RSPH14: variants seen among roughly 807,000 people sequenced by gnomAD.
RSPH14 encodes the protein rhabdoid tumor deletion region gene 1.
Under a neutral mutation model 26.7 loss-of-function variants are expected in RSPH14, and 20 were observed. The ratio of observed to expected loss-of-function variants is 0.75; its 90% CI spans 0.53 to 1.09. The LOEUF (loss-of-function observed/expected upper bound fraction) is 1.09, where lower values mean the gene tolerates loss of function less well. Among genes scored for constraint, RSPH14 ranks in the 50% least tolerant of loss-of-function variants. The pLI is 0.00. For missense variants in RSPH14, 449 were observed against 457.2 expected (o/e 0.98, Z 0.16); for synonymous variants, 177 against 189.3 (o/e 0.93, Z 0.53).
chr22:23,117,937 C>T (rs1346643252), intron 4 of RSPH14, among the ~76,000 whole-genome samples: 11 of 152,186 alleles, frequency 7.2e-5, no homozygotes, highest in African/African-American at 2.2e-4. Context: ...TTGCCCCGGC[C>T]GCTGACCTGG....
At chr22:23,141,846 G>T in intron 1 of RSPH14, 103 bp downstream of exon 1, 1 of 405,926 alleles carries the variant, frequency 2.5e-6, no homozygotes, top group Non-Finnish European at 3.3e-6. Context: ...GGAGACAAAA[G>T]ACCGTGATTT....
At chr22:23,070,667 C>T (rs1330064509) in intron 4 of RSPH14, 1 of 152,122 alleles carries the variant, frequency 6.6e-6, no homozygotes, top group African/African-American at 2.4e-5. Flanking sequence ...GGGACTCTTC[C>T]CAGGCCTTTG....
intron 4 of RSPH14, among the ~76,000 whole-genome samples, chr22:23,086,574 G>T (rs2068826084): frequency 6.6e-6 from 1 of 152,204 alleles, no homozygotes; most frequent in South Asian, 2.1e-4. Context: ...AGCCACAGCT[G>T]GGACCCAGAG....
intron 4 of RSPH14, among the ~76,000 whole-genome samples, chr22:23,107,369 T>A (rs952225607): frequency 3.9e-5 from 6 of 152,180 alleles, no homozygotes; most frequent in African/African-American, 9.6e-5. Flanking sequence ...CTGAGCTGCC[T>A]ACATGGGCAG....
the RSPH14 span, among the ~76,000 whole-genome samples, chr22:23,155,382 A>G: frequency 1.3e-5 from 2 of 152,140 alleles, no homozygotes; most frequent in African/African-American, 2.4e-5. Context: ...ACTCTTTTCC[A>G]TGGAGCCAGG....
In RSPH14 at chr22:23,059,656, TG is replaced by T; in HGVS notation, c.852del (p.Met285Ter). 6.3e-7 allele frequency: 1 copy of T among 1,592,378 alleles called. No homozygotes were observed. On this transcript the variant is annotated frameshift_variant, in exon 7 of 7. Coordinates refer to ENST00000216036, the MANE Select transcript of RSPH14 (RefSeq NM_014433.3). LOFTEE classifies it low-confidence loss of function (END_TRUNC). ...GTGGCATTCAGGCGCGCTATGGTCA[TG>T]GGGGAGTGCAGCAGCTCCAGGAGCA... is the stretch of plus-strand genomic sequence containing the variant. ...IGLLLELLHSPMTIARLNATK... is the reference protein window; with the variant it reads ...IGLLLELLHSXMTIARLNATK...
At chr22:23,060,581 C>T (rs1330015134) in intron 6 of RSPH14, among the ~76,000 whole-genome samples, 3 of 152,194 alleles carry the variant, frequency 2.0e-5, no homozygotes, top group Non-Finnish European at 4.4e-5. Context: ...CTCAACCATT[C>T]GCTGCCCCTT....
At chr22:23,131,351 T>G (rs991568393) in intron 4 of RSPH14, 2 of 225,840 alleles carry the variant, frequency 8.9e-6, no homozygotes, top group African/African-American at 4.5e-5. Context: ...ATATGCATTT[T>G]GGGGACATAG....
chr22:23,165,942 A>T, the RSPH14 span, among the ~76,000 whole-genome samples: 2 of 151,976 alleles, frequency 1.3e-5, no homozygotes, highest in Non-Finnish European at 2.9e-5. Context: ...GTCAGGAGAT[A>T]GAGACCATCC....
At chr22:23,100,410 A>C (rs1028173653) in intron 4 of RSPH14, among the ~76,000 whole-genome samples, 7 of 152,232 alleles carry the variant, frequency 4.6e-5, no homozygotes, top group Non-Finnish European at 1.0e-4. Flanking sequence ...TCTGCCACTT[A>C]TCTGAGAGAC....
intron 4 of RSPH14, among the ~76,000 whole-genome samples, chr22:23,128,259 T>C (rs561923757): frequency 1.6e-4 from 25 of 152,160 alleles, no homozygotes; most frequent in African/African-American, 6.0e-4. Flanking sequence ...TCTCATGGGG[T>C]TCTACTCCAT....
At chr22:23,089,485 G>T (rs1237639996) in intron 4 of RSPH14, among the ~76,000 whole-genome samples, 1 of 152,176 alleles carries the variant, frequency 6.6e-6, no homozygotes, top group South Asian at 2.1e-4. Flanking sequence ...CAGGGATTGT[G>T]CCTGGGGAGG....
At chr22:23,126,523 G>A (rs2070185699) in intron 4 of RSPH14, among the ~76,000 whole-genome samples, 1 of 152,216 alleles carries the variant, frequency 6.6e-6, no homozygotes, top group African/African-American at 2.4e-5. Flanking sequence ...GGGCTCCAGG[G>A]TCGAGTGGGA....
At chr22:23,104,327 G>A (rs948537328) in intron 4 of RSPH14, among the ~76,000 whole-genome samples, 7 of 152,184 alleles carry the variant, frequency 4.6e-5, no homozygotes, top group African/African-American at 1.7e-4. Context: ...CGGAGCCAGG[G>A]TTCAGCCCCA....
At chr22:23,117,775 G>A (rs1048208564) in intron 4 of RSPH14, among the ~76,000 whole-genome samples, 3 of 152,250 alleles carry the variant, frequency 2.0e-5, no homozygotes, top group African/African-American at 7.2e-5. Context: ...GGTGCAGCAT[G>A]CACCGGCAGT....
At chr22:23,115,583 G>C (rs1726795694) in intron 4 of RSPH14, among the ~76,000 whole-genome samples, 2 of 152,114 alleles carry the variant, frequency 1.3e-5, no homozygotes, top group Admixed American at 6.5e-5. Context: ...AGAACAGGAA[G>C]GTGGGGTGAC....
rs556673869 is a variant in RSPH14, at chr22:23,073,104, C to G, written c.422-8971G>C. ...GGAAGGCAGCCCTGTGCTGTCTGTC[C>G]CACGCTAGCCTCAGAATACTTAAGA... On this transcript the variant is annotated intron_variant, in intron 4 of 6. Transcript: ENST00000216036. Among the ~76,000 whole-genome samples, 3 of 152,318 alleles carry G rather than the reference C, an allele frequency of 2.0e-5. No homozygotes were observed. In the South Asian group the frequency reaches 6.2e-4, roughly 32 times the overall value.
At chr22:23,179,974 C>A in the RSPH14 span, 1 of 320,030 alleles carries the variant, frequency 3.1e-6, no homozygotes. Context: ...CCTGGTCTTG[C>A]AGATGCCCAC....
the RSPH14 span, among the ~76,000 whole-genome samples, chr22:23,169,840 C>T: frequency 1.8e-3 from 275 of 152,246 alleles, 2 homozygotes; most frequent in African/African-American, 6.3e-3. Flanking sequence ...CGGTGGTGCA[C>T]ACCTGTAATT....
Sources: allele counts gnomAD v4.1 joint callset (sites outside exome capture counted in the v4.1 genomes callset), GRCh38; gene constraint gnomAD v4.1.1; transcripts MANE v1.5; gene names NCBI Gene and HGNC (gene_info 2026-07-23, HGNC 2026-07-21).